CABLES1: variants seen among roughly 807,000 people sequenced by gnomAD.
CABLES1 encodes the protein CDK5 and ABL1 enzyme substrate 1.
In CABLES1, 36 loss-of-function variants were observed where a neutral mutation model predicts 57.8. That is an observed-to-expected ratio of 0.62 (90% confidence interval 0.48 to 0.82). The LOEUF (loss-of-function observed/expected upper bound fraction) is 0.82. Among genes scored for constraint, CABLES1 ranks in the 40% least tolerant of loss-of-function variants. The probability of loss-of-function intolerance (pLI) is 0.00; values close to 1 mark genes in which losing one functional copy is unlikely to be tolerated. For synonymous variants in CABLES1, 374 were observed against 363.0 expected, an observed-to-expected ratio of 1.03 and a Z score of -0.35; for missense variants, 767 against 836.6, an observed-to-expected ratio of 0.92 and a Z score of 1.03.
At chr18:23,246,257 C>T (rs1266442465) in intron 7 of CABLES1, among the ~76,000 whole-genome samples, 1 of 142,974 alleles carries the variant, frequency 7.0e-6, no homozygotes, top group Non-Finnish European at 1.6e-5. Context: ...CAGAGTGAGA[C>T]TCCATCTCAA....
chr18:23,238,890 G>A (rs1015959532), intron 7 of CABLES1, among the ~76,000 whole-genome samples: 12 of 152,114 alleles, frequency 7.9e-5, no homozygotes, highest in African/African-American at 1.7e-4. Flanking sequence ...TGCCGACCTC[G>A]GGGTTGGACA....
chr18:23,225,658 C>G (rs981592012), intron 4 of CABLES1, among the ~76,000 whole-genome samples: 2 of 152,168 alleles, frequency 1.3e-5, no homozygotes, highest in Non-Finnish European at 2.9e-5. Flanking sequence ...GGGAAGAGTC[C>G]CAGCCTTAAA....
At chr18:23,255,809 C>T (rs1447660996) in intron 9 of CABLES1, among the ~76,000 whole-genome samples, 1 of 152,128 alleles carries the variant, frequency 6.6e-6, no homozygotes, top group Non-Finnish European at 1.5e-5. Flanking sequence ...TATCCTTTCA[C>T]CTCAACCTCC....
chr18:23,234,324 C>A (rs1296449519), intron 4 of CABLES1, among the ~76,000 whole-genome samples: 1 of 152,200 alleles, frequency 6.6e-6, no homozygotes, highest in Non-Finnish European at 1.5e-5. Flanking sequence ...TGTTCATTGG[C>A]CGTCTCTAGG....
At chr18:23,222,532 GTC>G (rs1269510774) in intron 4 of CABLES1, among the ~76,000 whole-genome samples, 26 of 133,524 alleles carry the variant, frequency 1.9e-4, no homozygotes, top group African/African-American at 6.7e-4. Flanking sequence ...CTCTCTCTCT[GTC>G]TCTCTCTCTA....
chr18:23,249,826 T>A (rs900368895), intron 7 of CABLES1, among the ~76,000 whole-genome samples: 1 of 152,050 alleles, frequency 6.6e-6, no homozygotes, highest in Non-Finnish European at 1.5e-5. Context: ...TCTAGGGAGC[T>A]ACTCTGTGCT....
At chr18:23,217,223 A>T (rs2047448795) in intron 4 of CABLES1, among the ~76,000 whole-genome samples, 1 of 152,120 alleles carries the variant, frequency 6.6e-6, no homozygotes, top group African/African-American at 2.4e-5. Context: ...CTAGGACTAC[A>T]GTCGCGCGCC....
intron 1 of CABLES1, among the ~76,000 whole-genome samples, chr18:23,185,657 T>A (rs182540515): frequency 1.1e-4 from 16 of 152,218 alleles, no homozygotes; most frequent in African/African-American, 2.4e-4. Context: ...TTCTGCATGA[T>A]CACCTCACTT....
At chr18:23,172,826 C>T (rs1028727020) in intron 1 of CABLES1, among the ~76,000 whole-genome samples, 1 of 152,186 alleles carries the variant, frequency 6.6e-6, no homozygotes, top group African/African-American at 2.4e-5. Context: ...GGCAGATGCA[C>T]TAATAATATA....
chr18:23,234,556 T>C (rs2047588948), intron 4 of CABLES1, 52 bp from the exon 5 acceptor site: 10 of 1,305,652 alleles, frequency 7.7e-6, no homozygotes, highest in Non-Finnish European at 9.9e-6. Flanking sequence ...TCCTCATGGC[T>C]CTTTGAGGTG....
intron 3 of CABLES1, among the ~76,000 whole-genome samples, chr18:23,194,913 C>G (rs899613625): frequency 2.0e-5 from 3 of 152,202 alleles, no homozygotes; most frequent in African/African-American, 4.8e-5. Flanking sequence ...ACTGTGTGCT[C>G]TGGTCAATAA....
At chr18:23,248,554 G>A (rs1353876815) in intron 7 of CABLES1, among the ~76,000 whole-genome samples, 5 of 128,862 alleles carry the variant, frequency 3.9e-5, no homozygotes, top group South Asian at 2.4e-4. Flanking sequence ...AAGGCTGGAC[G>A]TGGTGGCTCA....
chr18:23,251,363 A>AACCTTAACC (rs1182061072), intron 7 of CABLES1, among the ~76,000 whole-genome samples: 2 of 152,176 alleles, frequency 1.3e-5, no homozygotes, highest in African/African-American at 4.8e-5. Context: ...AGGCAGGAGA[A>AACCTTAACC]TTGCTTAAAC....
chr18:23,165,934 C>G (rs1397071748), intron 1 of CABLES1, among the ~76,000 whole-genome samples: 1 of 152,152 alleles, frequency 6.6e-6, no homozygotes, highest in African/African-American at 2.4e-5. Context: ...ATTCCTTCAT[C>G]AAACATGATG....
rs764756314 is a variant in CABLES1 at position 23,257,203 on chromosome 18, CTTTTGA to C, written c.1762-19_1762-14del. On this transcript the variant is annotated intron_variant, in intron 9 of 9. Coordinates refer to ENST00000256925, the MANE Select transcript of CABLES1 (RefSeq NM_001100619.3). ...GGATTTTAATTTCAAAATGAACATG[CTTTTGA>C]TTTTCTTTTTGTTGCAGAAACTGGA... 4 of 1,606,182 alleles carry C rather than the reference CTTTTGA, an allele frequency of 2.5e-6. No individual in the cohort carries two copies. In the African/African-American group the frequency reaches 4.0e-5, roughly 16 times the overall value.
intron 1 of CABLES1, among the ~76,000 whole-genome samples, chr18:23,179,917 A>ATTTTTGT (rs1052135764): frequency 6.6e-6 from 1 of 151,358 alleles, no homozygotes; most frequent in African/African-American, 2.4e-5. Context: ...TTTTGTTTTT[A>ATTTTTGT]TTTTTGTTTT....
intron 4 of CABLES1, among the ~76,000 whole-genome samples, chr18:23,221,987 C>T (rs547871954): frequency 6.6e-6 from 1 of 152,294 alleles, no homozygotes; most frequent in South Asian, 2.1e-4. Context: ...CATAGGTGTG[C>T]TCCTGTTAAG....
chr18:23,186,514 C>T (rs2047203961), intron 1 of CABLES1, among the ~76,000 whole-genome samples: 1 of 151,708 alleles, frequency 6.6e-6, no homozygotes, highest in African/African-American at 2.4e-5. Context: ...CAACCTCTGC[C>T]TCCTGGGTTC....
chr18:23,197,979 C>G (rs1356061114), intron 3 of CABLES1: 1 of 152,088 alleles, frequency 6.6e-6, no homozygotes, highest in African/African-American at 2.4e-5. Context: ...TGTTTTGGAC[C>G]AGGCATGGTG....
Sources: gnomAD v4.1 joint callset for allele counts (sites outside exome capture counted in the v4.1 genomes callset) on GRCh38, gnomAD v4.1.1 for gene constraint, MANE v1.5 for transcripts, NCBI Gene and HGNC (gene_info 2026-07-23, HGNC 2026-07-21) for gene names.